The following DRAM2 variants were observed in gnomAD, a reference collection of about 807,000 sequenced individuals.
The protein encoded by DRAM2 is DNA damage-regulated autophagy modulator protein 2.
DRAM2 carries 26 observed loss-of-function variants against 33.5 expected under a neutral mutation model. The ratio of observed to expected loss-of-function variants is 0.78; its 90% confidence interval spans 0.57 to 1.08. DRAM2 has a LOEUF of 1.08. Among genes scored for constraint, DRAM2 ranks in the 50% least tolerant of loss-of-function variants. The pLI is 0.00. For synonymous variants in DRAM2, 98 were observed against 109.5 expected (o/e 0.89, Z 0.66); for missense variants, 311 against 318.1 (o/e 0.98, Z 0.17).
At chr1:111,126,146 C>A in intron 5 of DRAM2, 81 bp downstream of exon 5, 1 of 853,748 alleles carries the variant, frequency 1.2e-6, no homozygotes, top group South Asian at 1.4e-5. Flanking sequence ...GAAAGTAAAA[C>A]AAGTAACACT....
rs1263416233 is a variant in DRAM2, at chr1:111,137,536, T to G, written c.-28A>C. 1 of 152,268 alleles carries G rather than the reference T, an allele frequency of 6.6e-6. No homozygotes were observed. Among genetic ancestry groups the G allele is most frequent in the African/African-American group, 2.4e-5 (1 of 41,474 alleles). The allele number at this position is 152,268 out of a possible 1,614,324, so 9.4% of individuals were successfully genotyped here. On this transcript the variant is annotated 5_prime_UTR_variant, in exon 3 of 10. Coordinates refer to ENST00000484310, the MANE Select transcript of DRAM2 (RefSeq NM_001349884.2). The stretch of plus-strand genomic sequence containing the variant: ...AAAATGAATTACCTGTTTTACAACT[T>G]CACAAAATGTTAGTCTTCAGACCTG...
rs786205665 is a variant in DRAM2 at position 111,131,424 on chromosome 1, C to T, written c.131G>A (p.Ser44Asn). ...TATACAAAGAATACATTTCACTTAC[C>T]TGATATAAGGTAAAGCCGGGTCTAT... ...HHIDPALPYI[S>N]DTGTVAPEKC... The change falls in exon 4 of 10, where the codon AGT becomes AAT. Residue 44 changes from serine to asparagine, a missense_variant and splice_region_variant. Physicochemically the swap from Ser to Asn is conservative, Grantham distance 46 (BLOSUM62 1). Transcript: ENST00000484310. The T allele has an allele frequency of 1.5e-5, 24 of 1,611,366 alleles. No homozygotes were observed. Among genetic ancestry groups the T allele is most frequent in the Non-Finnish European group, 2.0e-5 (23 of 1,178,746 alleles).
intron 2 of DRAM2, among the ~76,000 whole-genome samples, chr1:111,138,334 T>G (rs1653691758): frequency 6.6e-6 from 1 of 152,216 alleles, no homozygotes; most frequent in Non-Finnish European, 1.5e-5. Flanking sequence ...GGAAGACTAA[T>G]TGTCAATGTG....
intron 8 of DRAM2, 196 bp downstream of exon 8, chr1:111,119,681 T>A: frequency 1.8e-6 from 1 of 552,064 alleles, no homozygotes; most frequent in Non-Finnish European, 3.2e-6. Flanking sequence ...TTTGACAATA[T>A]CTACAGATCA....
intron 6 of DRAM2, among the ~76,000 whole-genome samples, chr1:111,122,086 G>A (rs1650159235): frequency 6.6e-6 from 1 of 152,088 alleles, no homozygotes; most frequent in African/African-American, 2.4e-5. Flanking sequence ...ACATCAGCCA[G>A]ATTATACAAG....
At chr1:111,132,106 A>C (rs941812772) in intron 3 of DRAM2, among the ~76,000 whole-genome samples, 1 of 152,218 alleles carries the variant, frequency 6.6e-6, no homozygotes, top group African/African-American at 2.4e-5. Flanking sequence ...GCATAATTAG[A>C]GGGTTGGACG....
intron 3 of DRAM2, among the ~76,000 whole-genome samples, chr1:111,134,150 GTAA>G (rs1002601381): frequency 1.1e-4 from 17 of 152,128 alleles, no homozygotes; most frequent in Non-Finnish European, 7.4e-5. Flanking sequence ...ATGTTGTTAA[GTAA>G]TAATGAGTCA....
At chr1:111,138,975 T>G (rs1398202044) in intron 2 of DRAM2, 1 of 152,190 alleles carries the variant, frequency 6.6e-6, no homozygotes, top group Non-Finnish European at 1.5e-5. Context: ...ATTCTGGAAG[T>G]TCCAAGTGAA....
At chr1:111,119,835 A>T (rs1269176058) in intron 8 of DRAM2, 42 bp downstream of exon 8, 2 of 1,455,090 alleles carry the variant, frequency 1.4e-6, no homozygotes, top group Non-Finnish European at 1.9e-6. Context: ...CAAAATAACC[A>T]TCTTTAATAT....
intron 3 of DRAM2, among the ~76,000 whole-genome samples, chr1:111,137,080 C>T (rs1353441627): frequency 2.0e-5 from 3 of 151,756 alleles, no homozygotes; most frequent in Non-Finnish European, 4.4e-5. Context: ...GGTGAAACCC[C>T]GTCTCTACTA....
rs1390522307 is a variant in DRAM2 at position 111,117,742 on chromosome 1, TACTG to T, written c.*414_*417del. 3.6e-5 allele frequency: 6 copies of T among 167,432 alleles called. No individual in the cohort carries two copies. The highest frequency in any genetic ancestry group is 6.5e-5 in the Non-Finnish European group (5 of 77,012). 10.4% of individuals were successfully genotyped at this position (167,432 alleles called of 1,614,324 possible). On this transcript the variant is annotated 3_prime_UTR_variant, in exon 10 of 10. Transcript: ENST00000484310. ...TTTCAAAACCCAGTTCTAAAGGATT[TACTG>T]ACTAATGCTGATTATTTAGTCATGG...
At position 111,138,456 on chromosome 1, in the gene DRAM2, G is replaced by C. The variant is rs1376408769; in HGVS notation, c.-78-870C>G. 2.6e-5 allele frequency among the ~76,000 whole-genome samples: 4 copies of C among 152,292 alleles called. No homozygotes were observed. The South Asian group carries it at 8.3e-4, about 32-fold the overall frequency. On this transcript the variant is annotated intron_variant, in intron 2 of 9. Coordinates refer to ENST00000484310, the MANE Select transcript of DRAM2 (RefSeq NM_001349884.2). The stretch of plus-strand genomic sequence containing the variant: ...TTTCAAAATAATTGAGAGTATGCAG[G>C]AATAAATTTCACAGGGCAGTAAGAA...
In DRAM2 at chr1:111,118,196, GT is replaced by G. The variant is rs771575599; in HGVS notation, c.764del (p.Asn255ThrfsTer40). On this transcript the variant is annotated frameshift_variant, in exon 10 of 10. Coordinates refer to ENST00000484310, the MANE Select transcript of DRAM2 (RefSeq NM_001349884.2). LOFTEE classifies it high-confidence loss of function. ...TLYDTAPCPI[N>X]NERTRLLSRD... ...TGGAAAGTAGCCGTGTTCGTTCATT[GT>G]TAATAGGGCAAGGTGCAGTGTCATA... 6.2e-7 allele frequency: 1 copy of G among 1,612,960 alleles called. No individual in the cohort carries two copies. The highest frequency in any genetic ancestry group is 1.3e-5 in the African/African-American group (1 of 74,840).
At position 111,129,914 on chromosome 1, in the gene DRAM2, T is replaced by C. The variant is rs79015269; in HGVS notation, c.131+1510A>G. 8.0e-3 allele frequency among the ~76,000 whole-genome samples: 1,223 copies of C among 152,308 alleles called. 16 individuals are homozygous for C. The highest frequency in any genetic ancestry group is 0.028 in the African/African-American group (1,173 of 41,580). ...CTCTGGAAGGAAATCTACCAAACTA[T>C]GAATTGTCTCTAGGGTGTAGAAACT... On this transcript the variant is annotated intron_variant, in intron 4 of 9. Coordinates refer to ENST00000484310, the MANE Select transcript of DRAM2 (RefSeq NM_001349884.2).
intron 6 of DRAM2, among the ~76,000 whole-genome samples, chr1:111,121,249 A>G (rs1318931786): frequency 6.6e-6 from 1 of 152,126 alleles, no homozygotes; most frequent in African/African-American, 2.4e-5. Flanking sequence ...AGAAATTAAA[A>G]TATTCTCCCT....
At chr1:111,127,766 G>A (rs142068818) in intron 4 of DRAM2, among the ~76,000 whole-genome samples, 2 of 152,046 alleles carry the variant, frequency 1.3e-5, no homozygotes, top group Non-Finnish European at 2.9e-5. Flanking sequence ...TTTGGCTCAG[G>A]AGAGAATGAC....
At chr1:111,139,912 CG>C (rs1654213135) in intron 1 of DRAM2, 125 bp downstream of exon 1, 3 of 152,322 alleles carry the variant, frequency 2.0e-5, no homozygotes. Context: ...GCCTGCGACG[CG>C]GGTAAGGGGG....
Position 111,120,057 on chromosome 1 carries a change from G to A in DRAM2, c.518-98C>T, listed in dbSNP as rs547798706. On this transcript the variant is annotated intron_variant, in intron 7 of 9. Coordinates refer to ENST00000484310, the MANE Select transcript of DRAM2 (RefSeq NM_001349884.2). ...GGATTACTCACACATTTATTGCTAA[G>A]GTCTAAACCCATTTTCTTAAAGACT... The A allele has an allele frequency of 5.9e-6, 6 of 1,017,398 alleles. No homozygotes were observed. The East Asian group carries it at 1.3e-4, about 22-fold the overall frequency. 63.0% of individuals were successfully genotyped at this position (1,017,398 alleles called of 1,614,324 possible). A position where few individuals can be genotyped will look rare whatever the true frequency, so the allele number is the denominator to read the frequency against.
chr1:111,139,091 TGACA>T (rs1277748583), intron 2 of DRAM2: 1 of 152,258 alleles, frequency 6.6e-6, no homozygotes, highest in Admixed American at 6.5e-5. Context: ...CTTGGCCTCC[TGACA>T]AACATAATAT....
Sources: allele counts gnomAD v4.1 joint callset (sites outside exome capture counted in the v4.1 genomes callset), GRCh38; gene constraint gnomAD v4.1.1; transcripts MANE v1.5; gene names NCBI Gene and HGNC (gene_info 2026-07-23, HGNC 2026-07-21).